Variants in ZNF236 observed in about 807,000 individuals in gnomAD.
ZNF236 encodes regulated by glucose.
Under a neutral mutation model 191.2 loss-of-function variants are expected in ZNF236, and 50 were observed. The ratio of observed to expected loss-of-function variants is 0.26; its 90% confidence interval spans 0.21 to 0.33. The LOEUF (loss-of-function observed/expected upper bound fraction) is 0.33. Among genes scored for constraint, ZNF236 ranks in the 10% least tolerant of loss-of-function variants. The pLI is 1.00. For missense variants in ZNF236, 1,754 were observed against 2,374.5 expected, an observed-to-expected ratio of 0.74 and a Z score of 5.43; for synonymous variants, 907 against 928.8, an observed-to-expected ratio of 0.98 and a Z score of 0.43.
chr18:76,960,491 G>A lies in ZNF236; in HGVS notation c.5243-188G>A, dbSNP rs867698419. Among the ~76,000 whole-genome samples, 1 of 152,112 alleles carries A rather than the reference G, an allele frequency of 6.6e-6. No individual in the cohort carries two copies. The highest frequency in any genetic ancestry group is 1.5e-5 in the Non-Finnish European group (1 of 68,018). ...CCCTCCGCCCCATCTGCTGGGGGTC[G>A]TTAGGACCTGGCCAGGCTCCCTCTG... On this transcript the variant is annotated intron_variant, in intron 29 of 30. Coordinates refer to ENST00000320610, the MANE Select transcript of ZNF236 (RefSeq NM_001306089.2). The surrounding 1 kb of genome is among the most constrained non-coding windows in gnomAD (Gnocchi z 4.4).
intron 26 of ZNF236, among the ~76,000 whole-genome samples, chr18:76,939,232 C>G (rs983844711): frequency 3.3e-5 from 5 of 152,118 alleles, no homozygotes; most frequent in Non-Finnish European, 7.3e-5. Flanking sequence ...ACTTGGGAGT[C>G]TGAGGCAAGA....
chr18:76,828,459 C>T (rs146436071), intron 1 of ZNF236, among the ~76,000 whole-genome samples: 146 of 152,258 alleles, frequency 9.6e-4, no homozygotes, highest in African/African-American at 3.4e-3. Context: ...TGAGCCCCCA[C>T]GCCTGCCAGA....
chr18:76,964,711 T>C (rs1256593985), intron 30 of ZNF236, among the ~76,000 whole-genome samples: 1 of 152,254 alleles, frequency 6.6e-6, no homozygotes, highest in East Asian at 1.9e-4. Flanking sequence ...TTTTTAGATC[T>C]ATTAGTAATT....
At chr18:76,846,098 A>G (rs1321697278) in intron 1 of ZNF236, among the ~76,000 whole-genome samples, 1 of 152,184 alleles carries the variant, frequency 6.6e-6, no homozygotes, top group Non-Finnish European at 1.5e-5. Context: ...GCCCTTATCT[A>G]AGGATGCATT....
chr18:76,908,963 CTGTGTG>C lies in ZNF236; in HGVS notation c.2551+428_2551+433del, dbSNP rs10524379. Among the ~76,000 whole-genome samples the C allele has an allele frequency of 1.4e-3, 202 of 147,222 alleles. 1 individual carries two copies. The highest frequency in any genetic ancestry group is 3.8e-3 in the African/African-American group (151 of 39,496). On this transcript the variant is annotated intron_variant, in intron 14 of 30. Transcript: ENST00000320610. ...CAGGGGTGTGTGTGTATGTGTGTGT[CTGTGTG>C]TGTGTGTGTGTGTGTGTGTGTGTGT...
rs1968909020 is a variant in ZNF236, at chr18:76,971,573, C to G, written c.*3234C>G. On this transcript the variant is annotated 3_prime_UTR_variant, in exon 31 of 31. Transcript: ENST00000320610. ...ATTATAGCTAGTGTTCTGTGTCTTC[C>G]TTTGAACTCATATCACATTTATTAC... Among the ~76,000 whole-genome samples, 1 of 152,166 alleles carries G rather than the reference C, an allele frequency of 6.6e-6. No individual in the cohort carries two copies. The highest frequency in any genetic ancestry group is 6.5e-5 in the Admixed American group (1 of 15,286).
At chr18:76,865,396 C>T (rs1201566677) in intron 3 of ZNF236, among the ~76,000 whole-genome samples, 1 of 152,138 alleles carries the variant, frequency 6.6e-6, no homozygotes, top group Non-Finnish European at 1.5e-5. Context: ...AATACATTGT[C>T]TCCAAGAAAC....
intron 26 of ZNF236, among the ~76,000 whole-genome samples, chr18:76,942,614 G>A (rs1362837242): frequency 1.3e-5 from 2 of 151,474 alleles, no homozygotes; most frequent in Non-Finnish European, 2.9e-5. Flanking sequence ...CGGGTTCACA[G>A]CATTCTCCTG....
At position 76,927,785 on chromosome 18, in the gene ZNF236, T is replaced by G; in HGVS notation, c.4415-142T>G. Reference sequence around the variant, plus strand: ...AGGCTTTCTTCTTAGACGAAGGAATTAGAGATGACTGATGCTTTGTTTTAA... The same window carrying G: ...AGGCTTTCTTCTTAGACGAAGGAATGAGAGATGACTGATGCTTTGTTTTAA... On this transcript the variant is annotated intron_variant, in intron 24 of 30. Coordinates refer to ENST00000320610, the MANE Select transcript of ZNF236 (RefSeq NM_001306089.2). This position sits in a 1 kb window ranked among gnomAD's most constrained non-coding sequence, Gnocchi z 5.4. The G allele has an allele frequency of 1.2e-6, 1 of 828,348 alleles. No individual in the cohort carries two copies. The highest frequency in any genetic ancestry group is 2.3e-5 in the South Asian group (1 of 43,772). The allele number at this position is 828,348 out of a possible 1,614,324, so 51.3% of individuals were successfully genotyped here. A position where few individuals can be genotyped will look rare whatever the true frequency, so the allele number is the denominator to read the frequency against.
chr18:76,831,558 CTG>C (rs1975168718), intron 1 of ZNF236, among the ~76,000 whole-genome samples: 1 of 152,012 alleles, frequency 6.6e-6, no homozygotes, highest in South Asian at 2.1e-4. Context: ...ATCTCGGGGA[CTG>C]TGACTGCTGG....
chr18:76,840,244 C>T (rs1364871918), intron 1 of ZNF236, among the ~76,000 whole-genome samples: 1 of 152,158 alleles, frequency 6.6e-6, no homozygotes, highest in African/African-American at 2.4e-5. Context: ...CCTGTGATCC[C>T]AGCACTTTGG....
chr18:76,909,023 A>G (rs1422232711), intron 14 of ZNF236, among the ~76,000 whole-genome samples: 2 of 149,896 alleles, frequency 1.3e-5, no homozygotes, highest in Non-Finnish European at 3.0e-5. Context: ...TGCGTATATA[A>G]TTATACAAAT....
At chr18:76,846,327 G>T (rs938195149) in intron 1 of ZNF236, among the ~76,000 whole-genome samples, 3 of 152,182 alleles carry the variant, frequency 2.0e-5, no homozygotes, top group Admixed American at 6.5e-5. Context: ...GAACTTGAAG[G>T]CATGATGGAC....
intron 9 of ZNF236, chr18:76,885,104 AC>A (rs1977010467): frequency 6.6e-6 from 1 of 152,248 alleles, no homozygotes; most frequent in African/African-American, 2.4e-5. Context: ...CTGGAAGAGT[AC>A]CTTTAAAGAA....
chr18:76,888,373 C>G (rs563475356), intron 9 of ZNF236: 1 of 152,786 alleles, frequency 6.5e-6, no homozygotes, highest in African/African-American at 2.4e-5. Context: ...AAAAACCAAA[C>G]AAACAAACAC....
At chr18:76,867,824 T>G (rs914103111) in intron 3 of ZNF236, among the ~76,000 whole-genome samples, 1 of 152,166 alleles carries the variant, frequency 6.6e-6, no homozygotes, top group Non-Finnish European at 1.5e-5. Context: ...TTATCCCTGT[T>G]TCATAGGCTC....
In ZNF236 at chr18:76,968,345, G is replaced by C. The variant is rs1968836057; in HGVS notation, c.*6G>C. ...CCCTCACCCACGTCTTCTGATGCGA[G>C]TTGGAAGTACACCTTTAAGAATGTT... is the stretch of plus-strand genomic sequence containing the variant. On this transcript the variant is annotated 3_prime_UTR_variant, in exon 31 of 31. Coordinates refer to ENST00000320610, the MANE Select transcript of ZNF236 (RefSeq NM_001306089.2). 4 of 1,604,758 alleles carry C rather than the reference G, an allele frequency of 2.5e-6. No homozygotes were observed. Among genetic ancestry groups the C allele is most frequent in the Non-Finnish European group, 3.4e-6 (4 of 1,177,652 alleles).
intron 27 of ZNF236, among the ~76,000 whole-genome samples, chr18:76,954,907 A>G (rs1031148456): frequency 2.0e-5 from 3 of 152,164 alleles, no homozygotes; most frequent in African/African-American, 4.8e-5. Context: ...TATAGCACAG[A>G]TTAATAATAT....
At chr18:76,947,423 G>A in intron 26 of ZNF236, 98 bp from the exon 27 acceptor site, 1 of 1,426,338 alleles carries the variant, frequency 7.0e-7, no homozygotes, top group Non-Finnish European at 9.4e-7. Context: ...GGAGCTACCA[G>A]CTTGTTTTCC....
Sources: allele counts gnomAD v4.1 joint callset (sites outside exome capture counted in the v4.1 genomes callset), GRCh38; gene constraint gnomAD v4.1.1; non-coding constraint Gnocchi (gnomAD v3.1); transcripts MANE v1.5; gene names NCBI Gene and HGNC (gene_info 2026-07-23, HGNC 2026-07-21).